LRRC45: variants seen among roughly 807,000 people sequenced by gnomAD.
LRRC45 encodes leucine rich repeat containing 45, also known as leucine-rich repeat-containing protein 45.
LRRC45 carries 73 observed loss-of-function variants against 85.4 expected under a neutral mutation model. That is an observed-to-expected ratio of 0.85 (90% CI 0.71 to 1.04). LRRC45 has a LOEUF of 1.04. Among genes scored for constraint, LRRC45 ranks in the 50% least tolerant of loss-of-function variants. LRRC45 has a pLI of 0.00. For missense variants in LRRC45, 937 were observed against 883.3 expected, an observed-to-expected ratio of 1.06 and a Z score of -0.77; for synonymous variants, 429 against 386.0, an observed-to-expected ratio of 1.11 and a Z score of -1.31.
At chr17:82,024,844 G>A (rs1373251816) in intron 3 of LRRC45, 81 bp downstream of exon 3, 3 of 1,474,510 alleles carry the variant, frequency 2.0e-6, no homozygotes, top group Non-Finnish European at 2.7e-6. Context: ...CAGCCCAAGA[G>A]TTCCCCATTG....
At position 82,025,506 on chromosome 17, in the gene LRRC45, G is replaced by C; in HGVS notation, c.660G>C (p.Val220=). The change falls in exon 5 of 17, where the codon GTG becomes GTC. Residue 220 remains valine (V), a splice_region_variant and synonymous_variant. Transcript: ENST00000306688. ...NNIPGDVLRA[V]EQAMGHSQDR... ...TCCCTGGAGACGTCCTCAGAGCCGT[G>C]GGTACGGTGCAGGGCTGTGTGGAGT... is the stretch of plus-strand genomic sequence containing the variant. 1 of 1,601,454 alleles carries C rather than the reference G, an allele frequency of 6.2e-7. No homozygotes were observed. Among genetic ancestry groups the C allele is most frequent in the Non-Finnish European group, 8.5e-7 (1 of 1,173,816 alleles).
At position 82,030,694 on chromosome 17, in the gene LRRC45, G is replaced by A. The variant is rs1369359655; in HGVS notation, c.1902G>A (p.Ala634=). The A allele has an allele frequency of 2.0e-6, 3 of 1,493,894 alleles. No individual in the cohort carries two copies. Among genetic ancestry groups the A allele is most frequent in the South Asian group, 1.3e-5 (1 of 76,180 alleles). The allele number at this position is 1,493,894 out of a possible 1,614,324, so 92.5% of individuals were successfully genotyped here. A position where few individuals can be genotyped will look rare whatever the true frequency, so the allele number is the denominator to read the frequency against. The change falls in exon 17 of 17, where the codon GCG becomes GCA. Residue 634 remains alanine (A), a synonymous_variant. Transcript: ENST00000306688. ...GGGAGAAGCTGCGGCTCCGGGAGGC[G>A]GAGATCGCCCGCATCCGGGACGAGG... ...SLREKLRLRE[A]EIARIRDEEA...
Position 82,028,422 on chromosome 17 carries a change from G to C in LRRC45, c.1151G>C (p.Arg384Thr). Residue 384 changes from arginine to threonine, a missense_variant, in exon 11 of 17, where the codon AGG (arginine) becomes ACG (threonine). Coordinates refer to ENST00000306688, the MANE Select transcript of LRRC45 (RefSeq NM_144999.4). Reference protein sequence around the residue: ...NQVDELERKFRCQQEQLFQTR... With the variant: ...NQVDELERKFTCQQEQLFQTR... ...GTAGACGAGTTGGAGCGGAAGTTCA[G>C]GTGTCAGCAGGAGCAGCTGTTCCAG... 2 of 1,612,720 alleles carry C rather than the reference G, an allele frequency of 1.2e-6. No individual in the cohort carries two copies. Among genetic ancestry groups the C allele is most frequent in the Non-Finnish European group, 8.5e-7 (1 of 1,179,974 alleles).
rs539171617 is a variant in LRRC45 at position 82,030,459 on chromosome 17, G to A, written c.1809G>A (p.Gln603=). 2.2e-4 allele frequency: 337 copies of A among 1,544,424 alleles called. 2 individuals carry two copies. The South Asian group carries it at 3.9e-3, about 18-fold the overall frequency. Residue 603 remains glutamine, a synonymous_variant, in exon 16 of 17, where the codon CAG becomes CAA. Coordinates refer to ENST00000306688, the MANE Select transcript of LRRC45 (RefSeq NM_144999.4). Reference sequence around the variant, plus strand: ...AGAAGGCGGCGGCCCTGGAGCGCCAGCTGAAAGGTGAGCCAGACCCTTGTC... The same window carrying A: ...AGAAGGCGGCGGCCCTGGAGCGCCAACTGAAAGGTGAGCCAGACCCTTGTC... ...LREKAAALER[Q]LKVMASDHRE...
At chr17:82,028,545 G>A in intron 11 of LRRC45, 37 bp downstream of exon 11, 1 of 1,611,728 alleles carries the variant, frequency 6.2e-7, no homozygotes. Flanking sequence ...GGGGCCTGGG[G>A]ATGGGCACCG....
At chr17:82,029,715 G>C (rs973132622) in intron 14 of LRRC45, 80 bp downstream of exon 14, 2 of 1,354,182 alleles carry the variant, frequency 1.5e-6, no homozygotes, top group African/African-American at 2.9e-5. Flanking sequence ...CCAGAGCTTC[G>C]GTCTGAGTGG....
chr17:82,030,117 G>A lies in LRRC45; in HGVS notation c.1547G>A (p.Arg516Gln), dbSNP rs1014141978. The stretch of plus-strand genomic sequence containing the variant: ...AAGCTGAGACTGCTGGCGCAGGCAC[G>A]GGACGAGGCGCAGGGCGCTTGCCTA... The part of the protein sequence containing the change: ...EDKLRLLAQA[R>Q]DEAQGACLQQ... Residue 516 changes from arginine (R) to glutamine (Q), a missense_variant, in exon 15 of 17, where the codon CGG (arginine) becomes CAG (glutamine). Coordinates refer to ENST00000306688, the MANE Select transcript of LRRC45 (RefSeq NM_144999.4). 16 of 1,547,518 alleles carry A rather than the reference G, an allele frequency of 1.0e-5. No individual in the cohort carries two copies. Among genetic ancestry groups the A allele is most frequent in the Non-Finnish European group, 1.3e-5 (15 of 1,147,096 alleles).
intron 13 of LRRC45, 157 bp downstream of exon 13, chr17:82,029,342 A>C: frequency 2.2e-6 from 2 of 891,864 alleles, no homozygotes; most frequent in Non-Finnish European, 3.4e-6. Context: ...GTGCCCAAGA[A>C]GCTAAAGGGA....
At chr17:82,029,861 G>A (rs2043402044) in intron 14 of LRRC45, among the ~76,000 whole-genome samples, 2 of 152,246 alleles carry the variant, frequency 1.3e-5, no homozygotes, top group African/African-American at 4.8e-5. Context: ...CGCATGGATG[G>A]ATGGGAGGGG....
rs760050172 is a variant in LRRC45, at chr17:82,025,468, G to C, written c.622G>C (p.Ala208Pro). 1.2e-6 allele frequency: 2 copies of C among 1,609,530 alleles called. No homozygotes were observed. Among genetic ancestry groups the C allele is most frequent in the East Asian group, 4.5e-5 (2 of 44,840 alleles). Residue 208 changes from alanine (A) to proline (P), a missense_variant, in exon 5 of 17, where the codon GCT (alanine) becomes CCT (proline). Coordinates refer to ENST00000306688, the MANE Select transcript of LRRC45 (RefSeq NM_144999.4). ...SNRTLWRLDLAGNNIPGDVLR... is the reference protein window; with the variant it reads ...SNRTLWRLDLPGNNIPGDVLR... ...CAGAACCCTGTGGAGACTGGACCTG[G>C]CTGGGAACAACATCCCTGGAGACGT...
Position 82,023,775 on chromosome 17 carries a change from G to T in LRRC45, c.132G>T (p.Val44=). Reference sequence around the variant, plus strand: ...ACCTGGCCACGCAAAGCCTGACGGTGGAGACCTGCAGGGCCCTGGGCAAGC... The same window carrying T: ...ACCTGGCCACGCAAAGCCTGACGGTTGAGACCTGCAGGGCCCTGGGCAAGC... The part of the protein sequence containing the change: ...RLDLATQSLT[V]ETCRALGKLL... The change falls in exon 1 of 17, where the codon GTG becomes GTT. Residue 44 remains valine, a synonymous_variant. Transcript: ENST00000306688. The T allele has an allele frequency of 6.4e-7, 1 of 1,563,810 alleles. No individual in the cohort carries two copies.
In LRRC45 at chr17:82,031,018, C is replaced by T. The variant is rs2144152625; in HGVS notation, c.*213C>T. 5.0e-6 allele frequency: 2 copies of T among 399,166 alleles called. No individual in the cohort carries two copies. The highest frequency in any genetic ancestry group is 1.4e-4 in the South Asian group (1 of 7,364). The allele number at this position is 399,166 out of a possible 1,614,324, so 24.7% of individuals were successfully genotyped here. On this transcript the variant is annotated 3_prime_UTR_variant, in exon 17 of 17. Coordinates refer to ENST00000306688, the MANE Select transcript of LRRC45 (RefSeq NM_144999.4). ...CTACCGGCCCCTTCTTCCCGGTCGA[C>T]GCCACGTGGGAGCACACCGGGAAGG...
chr17:82,030,932 C>T lies in LRRC45; in HGVS notation c.*127C>T, dbSNP rs1421222335. ...CGTCTGTTCCACGCGGCGGTTGCGGCGACTGTTGGTGGTGTCGCGGCTGCG... is the reference window on the plus strand; with the variant it reads ...CGTCTGTTCCACGCGGCGGTTGCGGTGACTGTTGGTGGTGTCGCGGCTGCG... On this transcript the variant is annotated 3_prime_UTR_variant, in exon 17 of 17. Transcript: ENST00000306688. 2 of 714,168 alleles carry T rather than the reference C, an allele frequency of 2.8e-6. No homozygotes were observed. The highest frequency in any genetic ancestry group is 3.9e-6 in the Non-Finnish European group (2 of 508,224). 44.2% of individuals were successfully genotyped at this position (714,168 alleles called of 1,614,324 possible).
intron 8 of LRRC45, 33 bp from the exon 9 acceptor site, chr17:82,027,978 C>A: frequency 6.4e-7 from 1 of 1,568,480 alleles, no homozygotes; most frequent in Non-Finnish European, 8.6e-7. Context: ...GAAACTCCAA[C>A]CGGGGCGGGG....
chr17:82,027,407 A>G lies in LRRC45; in HGVS notation c.796A>G (p.Ile266Val). 1.2e-6 allele frequency: 2 copies of G among 1,612,664 alleles called. No homozygotes were observed. The highest frequency in any genetic ancestry group is 1.1e-5 in the South Asian group (1 of 91,086). Reference protein sequence around the residue: ...SKQFLDLMETIDKQREEMAKS... With the variant: ...SKQFLDLMETVDKQREEMAKS... Reference sequence around the variant, plus strand: ...CCAGTTCCTCGACTTGATGGAGACTATTGATAAGCAGCGAGAAGAGATGGC... The same window carrying G: ...CCAGTTCCTCGACTTGATGGAGACTGTTGATAAGCAGCGAGAAGAGATGGC... The change falls in exon 7 of 17, where the codon ATT becomes GTT. Residue 266 changes from isoleucine (I) to valine (V), a missense_variant. Coordinates refer to ENST00000306688, the MANE Select transcript of LRRC45 (RefSeq NM_144999.4).
intron 4 of LRRC45, 93 bp from the exon 5 acceptor site, chr17:82,025,286 T>C (rs2043358748): frequency 6.5e-7 from 1 of 1,527,602 alleles, no homozygotes; most frequent in Non-Finnish European, 8.8e-7. Flanking sequence ...TGTTGATGAC[T>C]GCAAGGCAGT....
In LRRC45 at chr17:82,028,247, G is replaced by A. The variant is rs1040209087; in HGVS notation, c.1061G>A (p.Arg354Gln). ...LKLEQQEAAE[R>Q]ESKLLRDLSA... ...TTCCCCTCCCAGGAAGCTGCAGAGC[G>A]GGAGTCTAAACTCCTCAGAGACTTG... Residue 354 changes from arginine (R) to glutamine (Q), a missense_variant, in exon 10 of 17, where the codon CGG becomes CAG. Transcript: ENST00000306688. 36 of 1,575,988 alleles carry A rather than the reference G, an allele frequency of 2.3e-5. No homozygotes were observed. The highest frequency in any genetic ancestry group is 1.7e-4 in the Middle Eastern group (1 of 6,024).
In LRRC45 at chr17:82,029,110, T is replaced by C; in HGVS notation, c.1326T>C (p.Arg442=). The change falls in exon 13 of 17, where the codon CGT becomes CGC. Residue 442 remains arginine (R), a synonymous_variant. Transcript: ENST00000306688. ...LRIKEVEHMT[R]HLEESEKAMQ... ...CTGAGCAGGTGGAGCATATGACCCGTCACCTGGAGGAGAGTGAGAAGGCCA... is the reference window on the plus strand; with the variant it reads ...CTGAGCAGGTGGAGCATATGACCCGCCACCTGGAGGAGAGTGAGAAGGCCA... 1.2e-6 allele frequency: 2 copies of C among 1,612,576 alleles called. No homozygotes were observed. The highest frequency in any genetic ancestry group is 1.1e-5 in the South Asian group (1 of 90,966).
chr17:82,024,859 G>A, intron 3 of LRRC45, 96 bp downstream of exon 3: 5 of 1,454,092 alleles, frequency 3.4e-6, no homozygotes, highest in Middle Eastern at 1.8e-4. Context: ...CCATTGCCAG[G>A]TGCCCATGTT....
Sources: allele counts gnomAD v4.1 joint callset (sites outside exome capture counted in the v4.1 genomes callset), GRCh38; gene constraint gnomAD v4.1.1; transcripts MANE v1.5; gene names NCBI Gene and HGNC (gene_info 2026-07-23, HGNC 2026-07-21).